Variants in PTPRK observed in about 807,000 individuals in gnomAD.
PTPRK encodes the protein protein tyrosine phosphatase receptor type K, also known as receptor-type tyrosine-protein phosphatase kappa.
In PTPRK, 75 loss-of-function variants were observed where a neutral mutation model predicts 178.0. That is an observed-to-expected ratio of 0.42 (90% CI 0.35 to 0.51). The LOEUF (loss-of-function observed/expected upper bound fraction) is 0.51. PTPRK is among the 20% of genes least tolerant of loss of function. The pLI is 0.02. For synonymous variants in PTPRK, 637 were observed against 620.6 expected, an observed-to-expected ratio of 1.03 and a Z score of -0.39; for missense variants, 1,441 against 1,797.8, an observed-to-expected ratio of 0.80 and a Z score of 3.59.
At chr6:128,200,029 G>C (rs181480764) in intron 6 of PTPRK, among the ~76,000 whole-genome samples, 1 of 152,062 alleles carries the variant, frequency 6.6e-6, no homozygotes, top group Admixed American at 6.6e-5. Flanking sequence ...CCACATAAAG[G>C]CATCAAGTAA....
At position 128,408,634 on chromosome 6, in the gene PTPRK, C is replaced by G. The variant is rs1257568097; in HGVS notation, c.101-10946G>C. On this transcript the variant is annotated intron_variant, in intron 1 of 29. Coordinates refer to ENST00000368226, the MANE Select transcript of PTPRK (RefSeq NM_002844.4). Reference sequence around the variant, plus strand: ...TTGTTAATATACTTGCCCTATAATCCAGCATTTTCACTTCTACCCTACATA... The same window carrying G: ...TTGTTAATATACTTGCCCTATAATCGAGCATTTTCACTTCTACCCTACATA... Among the ~76,000 whole-genome samples the G allele has an allele frequency of 2.0e-5, 3 of 152,110 alleles. No individual in the cohort carries two copies. In the East Asian group the frequency reaches 5.8e-4, roughly 29 times the overall value.
chr6:128,491,645 G>T (rs1033835309), intron 1 of PTPRK: 3 of 428,422 alleles, frequency 7.0e-6, no homozygotes, highest in African/African-American at 4.0e-5. Flanking sequence ...AATTTAGACA[G>T]GCTCAGGCAC....
chr6:128,463,739 C>CG (rs764240016), intron 1 of PTPRK, among the ~76,000 whole-genome samples: 4 of 137,558 alleles, frequency 2.9e-5, no homozygotes, highest in Admixed American at 1.5e-4. Flanking sequence ...TCAATCTTCA[C>CG]GGTTTTTTTT....
intron 21 of PTPRK, among the ~76,000 whole-genome samples, chr6:127,988,946 A>G (rs1046498549): frequency 1.3e-5 from 2 of 152,100 alleles, no homozygotes; most frequent in African/African-American, 2.4e-5. Context: ...TTCTTACAGA[A>G]TAATGAGGTA....
chr6:128,286,935 T>C (rs754523913), intron 3 of PTPRK, among the ~76,000 whole-genome samples: 1 of 152,206 alleles, frequency 6.6e-6, no homozygotes, highest in Admixed American at 6.5e-5. Flanking sequence ...TGCCAACTAG[T>C]TCCCAGATCT....
intron 10 of PTPRK, among the ~76,000 whole-genome samples, chr6:128,081,975 G>A (rs143245529): frequency 6.0e-4 from 92 of 152,104 alleles, no homozygotes; most frequent in African/African-American, 2.1e-3. Flanking sequence ...ATTTTTAAGT[G>A]TGAAAGAAAA....
intron 2 of PTPRK, among the ~76,000 whole-genome samples, chr6:128,323,237 C>CA (rs1016071046): frequency 1.3e-5 from 2 of 152,082 alleles, no homozygotes; most frequent in African/African-American, 4.8e-5. Context: ...GAGACTTGAA[C>CA]AACGGGCTGC....
chr6:128,248,807 T>A (rs1282910581), intron 3 of PTPRK, among the ~76,000 whole-genome samples: 4 of 152,140 alleles, frequency 2.6e-5, no homozygotes, highest in African/African-American at 9.7e-5. Context: ...GAAAAAGATA[T>A]GGGATCAAGG....
At chr6:128,415,634 G>A (rs1433789926) in intron 1 of PTPRK, among the ~76,000 whole-genome samples, 1 of 152,136 alleles carries the variant, frequency 6.6e-6, no homozygotes, top group East Asian at 1.9e-4. Flanking sequence ...CCACTGAGCA[G>A]CATCTGAATC....
At chr6:128,390,077 T>C (rs1264488280) in intron 2 of PTPRK, among the ~76,000 whole-genome samples, 2 of 152,080 alleles carry the variant, frequency 1.3e-5, no homozygotes, top group Non-Finnish European at 1.5e-5. Flanking sequence ...AAAGCATCAA[T>C]AGACAGATGA....
At chr6:128,246,123 G>T (rs1390116278) in intron 3 of PTPRK, among the ~76,000 whole-genome samples, 1 of 152,146 alleles carries the variant, frequency 6.6e-6, no homozygotes, top group African/African-American at 2.4e-5. Context: ...TTATTTGCTT[G>T]TTTGTGGTTT....
At chr6:128,061,724 C>T (rs953425710) in intron 13 of PTPRK, among the ~76,000 whole-genome samples, 1 of 152,106 alleles carries the variant, frequency 6.6e-6, no homozygotes, top group Non-Finnish European at 1.5e-5. Flanking sequence ...AGATGCACCT[C>T]GTCTGATAGA....
intron 5 of PTPRK, among the ~76,000 whole-genome samples, chr6:128,228,533 G>T (rs1285584505): frequency 6.7e-6 from 1 of 149,948 alleles, no homozygotes; most frequent in Non-Finnish European, 1.5e-5. Flanking sequence ...GGTGGTGGGC[G>T]CCTGTAGTTC....
intron 7 of PTPRK, among the ~76,000 whole-genome samples, chr6:128,151,123 T>A (rs2114558861): frequency 6.6e-6 from 1 of 152,236 alleles, no homozygotes; most frequent in East Asian, 1.9e-4. Flanking sequence ...TTGACTTGAA[T>A]TTCTAGATCT....
intron 7 of PTPRK, among the ~76,000 whole-genome samples, chr6:128,172,413 T>C (rs1250006107): frequency 6.6e-6 from 1 of 151,930 alleles, no homozygotes; most frequent in Non-Finnish European, 1.5e-5. Flanking sequence ...TTATCTCCCC[T>C]GTGCTACTGA....
intron 2 of PTPRK, among the ~76,000 whole-genome samples, chr6:128,364,950 G>T (rs967454973): frequency 6.6e-6 from 1 of 151,942 alleles, no homozygotes; most frequent in South Asian, 2.1e-4. Flanking sequence ...TAATAGAGTC[G>T]ATGACTTCAT....
chr6:128,133,830 G>T (rs1009054746), intron 7 of PTPRK, among the ~76,000 whole-genome samples: 4 of 151,778 alleles, frequency 2.6e-5, no homozygotes, highest in Non-Finnish European at 5.9e-5. Context: ...AGGATTACAG[G>T]CATCAGCCAC....
At chr6:128,261,771 T>G (rs183056834) in intron 3 of PTPRK, among the ~76,000 whole-genome samples, 1 of 152,196 alleles carries the variant, frequency 6.6e-6, no homozygotes, top group African/African-American at 2.4e-5. Flanking sequence ...CTTTTAAATA[T>G]GAATTTTGAC....
chr6:128,093,475 G>C (rs971492077), intron 7 of PTPRK, among the ~76,000 whole-genome samples: 3 of 150,866 alleles, frequency 2.0e-5, no homozygotes, highest in African/African-American at 7.3e-5. Flanking sequence ...GATGCCTGTA[G>C]TCCTGGTTAC....
Sources: allele counts gnomAD v4.1 joint callset (sites outside exome capture counted in the v4.1 genomes callset), GRCh38; gene constraint gnomAD v4.1.1; transcripts MANE v1.5; gene names NCBI Gene and HGNC (gene_info 2026-07-23, HGNC 2026-07-21).